KLHL2: variants seen among roughly 807,000 people sequenced by gnomAD.
KLHL2 encodes the protein kelch-like protein 2.
A neutral mutation model predicts 75.8 loss-of-function variants in KLHL2; 15 were observed. The observed-to-expected ratio is 0.20, with a 90% CI of 0.13 to 0.30. The LOEUF (loss-of-function observed/expected upper bound fraction) is 0.30. Ranked by LOEUF, KLHL2 falls within the 10% of genes least tolerant of loss-of-function variation. KLHL2 has a pLI of 1.00. For missense variants in KLHL2, 381 were observed against 741.0 expected (o/e 0.51, Z 5.64); for synonymous variants, 214 against 251.9 (o/e 0.85, Z 1.42).
At chr4:165,235,003 A>G (rs142233370) in intron 3 of KLHL2, among the ~76,000 whole-genome samples, 3,392 of 152,212 alleles carry the variant, frequency 0.022, 42 homozygotes, top group Non-Finnish European at 0.036. Flanking sequence ...TGTCTCAAAA[A>G]AAAAGGTAGA....
At chr4:165,244,189 A>C (rs1740044413) in intron 4 of KLHL2, among the ~76,000 whole-genome samples, 1 of 152,182 alleles carries the variant, frequency 6.6e-6, no homozygotes, top group Non-Finnish European at 1.5e-5. Context: ...TTCCAGTAGC[A>C]CGTTGATCAA....
chr4:165,253,456 A>C (rs982151546), intron 4 of KLHL2, among the ~76,000 whole-genome samples: 1 of 152,250 alleles, frequency 6.6e-6, no homozygotes, highest in African/African-American at 2.4e-5. Flanking sequence ...AAGTTTGTAT[A>C]TAATCAGTAC....
At chr4:165,234,992 C>G (rs59229716) in intron 3 of KLHL2, among the ~76,000 whole-genome samples, 12,919 of 151,584 alleles carry the variant, frequency 0.085, 1,087 homozygotes, top group African/African-American at 0.22. Flanking sequence ...GAATGAGACT[C>G]TGTCTCAAAA....
At chr4:165,262,836 C>G (rs917922470) in intron 4 of KLHL2, among the ~76,000 whole-genome samples, 4 of 152,160 alleles carry the variant, frequency 2.6e-5, no homozygotes, top group African/African-American at 9.7e-5. Context: ...GTCTTGGCCT[C>G]CCAAAGTGCC....
chr4:165,315,682 C>G (rs1746542007), intron 13 of KLHL2, among the ~76,000 whole-genome samples: 2 of 152,142 alleles, frequency 1.3e-5, no homozygotes, highest in Admixed American at 1.3e-4. Flanking sequence ...TCCTGATAAT[C>G]TGAAACAAAC....
At chr4:165,265,741 G>C (rs1334581968) in intron 5 of KLHL2, among the ~76,000 whole-genome samples, 2 of 152,078 alleles carry the variant, frequency 1.3e-5, no homozygotes, top group Non-Finnish European at 2.9e-5. Flanking sequence ...ACATTGGGAG[G>C]TTCCAAGTCT....
intron 9 of KLHL2, among the ~76,000 whole-genome samples, chr4:165,308,093 A>C (rs1745871124): frequency 6.6e-6 from 1 of 152,144 alleles, no homozygotes; most frequent in African/African-American, 2.4e-5. Context: ...GAGCTTTATA[A>C]TATGTTTTAC....
chr4:165,247,712 T>A (rs935869803), intron 4 of KLHL2, among the ~76,000 whole-genome samples: 1 of 152,150 alleles, frequency 6.6e-6, no homozygotes, highest in Admixed American at 6.5e-5. Flanking sequence ...TTGCATATAA[T>A]TATAAAGGCT....
intron 3 of KLHL2, among the ~76,000 whole-genome samples, chr4:165,231,250 A>G (rs1415585848): frequency 6.6e-6 from 1 of 152,036 alleles, no homozygotes; most frequent in African/African-American, 2.4e-5. Flanking sequence ...GGGGTTCAAG[A>G]CCAGCCTTGG....
chr4:165,250,889 G>A (rs572345593), intron 4 of KLHL2, among the ~76,000 whole-genome samples: 1 of 152,220 alleles, frequency 6.6e-6, no homozygotes, highest in South Asian at 2.1e-4. Context: ...TTGTGCATTT[G>A]AGTTGGCATG....
intron 3 of KLHL2, among the ~76,000 whole-genome samples, chr4:165,236,101 G>A (rs1200872020): frequency 6.6e-6 from 1 of 152,120 alleles, no homozygotes; most frequent in East Asian, 1.9e-4. Context: ...TGGTGAGAAG[G>A]TGAGAAGATT....
chr4:165,316,638 T>A (rs74895731), intron 13 of KLHL2, among the ~76,000 whole-genome samples: 3,153 of 152,286 alleles, frequency 0.021, 55 homozygotes, highest in East Asian at 0.099. Flanking sequence ...GCAGTTTTCC[T>A]TCTAATAATT....
At chr4:165,237,859 C>T (rs59422241) in intron 3 of KLHL2, among the ~76,000 whole-genome samples, 2,252 of 152,140 alleles carry the variant, frequency 0.015, 38 homozygotes, top group African/African-American at 0.05. Context: ...CCTCCCCACC[C>T]GCATTCAATT....
At position 165,322,852 on chromosome 4, in the gene KLHL2, G is replaced by T. The variant is rs1285270445; in HGVS notation, c.*792G>T. ...TATTATTTTCTTTAGTTTAATCTTG[G>T]TCATGTTTTGGTGTGTATTTTTAAT... is the stretch of plus-strand genomic sequence containing the variant. On this transcript the variant is annotated 3_prime_UTR_variant, in exon 15 of 15. Coordinates refer to ENST00000226725, the MANE Select transcript of KLHL2 (RefSeq NM_007246.4). 1.3e-5 allele frequency: 2 copies of T among 152,350 alleles called. No homozygotes were observed. The highest frequency in any genetic ancestry group is 2.4e-5 in the African/African-American group (1 of 41,344). The allele number at this position is 152,350 out of a possible 1,614,324, so 9.4% of individuals were successfully genotyped here. A position where few individuals can be genotyped will look rare whatever the true frequency, so the allele number is the denominator to read the frequency against.
At chr4:165,320,772 G>C (rs1462220995) in intron 14 of KLHL2, among the ~76,000 whole-genome samples, 1 of 152,096 alleles carries the variant, frequency 6.6e-6, no homozygotes, top group Non-Finnish European at 1.5e-5. Context: ...GACTTCACAG[G>C]AGTTATGACA....
In KLHL2 at chr4:165,208,000, G is replaced by T; in HGVS notation, c.26+98G>T. On this transcript the variant is annotated intron_variant, in intron 1 of 14. Transcript: ENST00000226725. This position sits in a 1 kb window ranked among gnomAD's most constrained non-coding sequence, Gnocchi z 4.2. ...GCGCAGCTCTGGGGACAGCCGCCGG[G>T]GCCGGCGGGAGGTGGGAGATGCGGG... The T allele has an allele frequency of 1.1e-6, 1 of 874,150 alleles. No homozygotes were observed. The highest frequency in any genetic ancestry group is 5.3e-5 in the South Asian group (1 of 18,858). The allele number at this position is 874,150 out of a possible 1,614,324, so 54.1% of individuals were successfully genotyped here. A position where few individuals can be genotyped will look rare whatever the true frequency, so the allele number is the denominator to read the frequency against.
At chr4:165,311,973 G>A (rs552166647) in intron 11 of KLHL2, among the ~76,000 whole-genome samples, 87 of 152,140 alleles carry the variant, frequency 5.7e-4, no homozygotes, top group African/African-American at 2.0e-3. Flanking sequence ...CATGGACAGG[G>A]GTGGGTTGGG....
chr4:165,238,980 A>C, intron 4 of KLHL2, 81 bp downstream of exon 4: 1 of 1,503,676 alleles, frequency 6.7e-7, no homozygotes, highest in East Asian at 2.4e-5. Flanking sequence ...CACAGTATAC[A>C]ATTTGCACCA....
chr4:165,289,071 T>G (rs1372418272), intron 5 of KLHL2, among the ~76,000 whole-genome samples: 1 of 152,144 alleles, frequency 6.6e-6, no homozygotes, highest in African/African-American at 2.4e-5. Flanking sequence ...TTAGAGTGAC[T>G]TTGCCAGTCA....
Sources: gnomAD v4.1 joint callset for allele counts (sites outside exome capture counted in the v4.1 genomes callset) on GRCh38, gnomAD v4.1.1 for gene constraint, Gnocchi (gnomAD v3.1) non-coding constraint, MANE v1.5 for transcripts, NCBI Gene and HGNC (gene_info 2026-07-23, HGNC 2026-07-21) for gene names.